The following MAGI1 variants were observed in gnomAD, a reference collection of about 807,000 sequenced individuals.
The protein encoded by MAGI1 is membrane-associated guanylate kinase, WW and PDZ domain-containing protein 1.
Under a neutral mutation model 139.9 loss-of-function variants are expected in MAGI1, and 58 were observed. The observed-to-expected ratio is 0.41, with a 90% CI of 0.34 to 0.52. The LOEUF is 0.52. MAGI1 is among the 20% of genes least tolerant of loss of function. The pLI is 0.12. For synonymous variants in MAGI1, 812 were observed against 737.9 expected, an observed-to-expected ratio of 1.10 and a Z score of -1.63; for missense variants, 1,874 against 1,901.6, an observed-to-expected ratio of 0.99 and a Z score of 0.27.
At chr3:65,823,164 T>G (rs529187795) in intron 1 of MAGI1, among the ~76,000 whole-genome samples, 1 of 152,296 alleles carries the variant, frequency 6.6e-6, no homozygotes, top group South Asian at 2.1e-4. Flanking sequence ...GAAATATATA[T>G]CATATAAAGT....
At chr3:65,467,951 A>C (rs867449922) in intron 5 of MAGI1, among the ~76,000 whole-genome samples, 3 of 152,226 alleles carry the variant, frequency 2.0e-5, no homozygotes, top group Admixed American at 6.5e-5. Context: ...ATGATGATGA[A>C]AATGGTAACA....
chr3:65,582,918 C>T (rs1478365157), intron 2 of MAGI1, among the ~76,000 whole-genome samples: 1 of 152,214 alleles, frequency 6.6e-6, no homozygotes, highest in African/African-American at 2.4e-5. Context: ...TCCATCAGCA[C>T]TGTGCAACAC....
At chr3:65,784,767 G>A (rs1355259454) in intron 1 of MAGI1, among the ~76,000 whole-genome samples, 5 of 152,152 alleles carry the variant, frequency 3.3e-5, no homozygotes, top group Non-Finnish European at 7.3e-5. Context: ...GTCAAACCAC[G>A]GAATAATATT....
intron 1 of MAGI1, among the ~76,000 whole-genome samples, chr3:65,851,523 C>T (rs1469994239): frequency 1.3e-5 from 2 of 152,070 alleles, no homozygotes; most frequent in South Asian, 4.1e-4. Flanking sequence ...CCGAGGTGGG[C>T]GGATCACTTG....
chr3:65,962,723 G>T (rs183720368), intron 1 of MAGI1, among the ~76,000 whole-genome samples: 1 of 151,506 alleles, frequency 6.6e-6, no homozygotes, highest in African/African-American at 2.4e-5. Flanking sequence ...TACTCAGGAG[G>T]TTGAGACACA....
chr3:65,966,481 C>T (rs981560666), intron 1 of MAGI1, among the ~76,000 whole-genome samples: 2 of 151,966 alleles, frequency 1.3e-5, no homozygotes, highest in East Asian at 3.9e-4. Context: ...CTGCATCTTG[C>T]GACTGACAAA....
At chr3:65,597,653 T>C (rs1391773360) in intron 2 of MAGI1, 1 of 454,982 alleles carries the variant, frequency 2.2e-6, no homozygotes, top group Non-Finnish European at 4.4e-6. Context: ...TTCACCTCCA[T>C]GGATATTCCC....
intron 1 of MAGI1, among the ~76,000 whole-genome samples, chr3:65,798,857 C>T (rs960132026): frequency 6.6e-6 from 1 of 152,176 alleles, no homozygotes; most frequent in African/African-American, 2.4e-5. Flanking sequence ...TCCACTGTGT[C>T]CAGCTCAAAG....
chr3:65,631,123 AG>A (rs2084277080), intron 1 of MAGI1, among the ~76,000 whole-genome samples: 1 of 152,214 alleles, frequency 6.6e-6, no homozygotes, highest in Non-Finnish European at 1.5e-5. Context: ...GCCTAGACTA[AG>A]GGAGTGTCTA....
At chr3:66,008,236 A>C (rs866778649) in intron 1 of MAGI1, among the ~76,000 whole-genome samples, 37 of 152,118 alleles carry the variant, frequency 2.4e-4, no homozygotes, top group African/African-American at 8.5e-4. Flanking sequence ...AGTTCATAGG[A>C]CCAGCATCAG....
intron 1 of MAGI1, among the ~76,000 whole-genome samples, chr3:66,007,502 G>A (rs2067088015): frequency 6.6e-6 from 1 of 152,202 alleles, no homozygotes; most frequent in South Asian, 2.1e-4. Flanking sequence ...ACTCTAGTGA[G>A]GAGGAGGAGA....
intron 1 of MAGI1, among the ~76,000 whole-genome samples, chr3:65,683,859 T>C (rs963725121): frequency 6.6e-6 from 1 of 151,870 alleles, no homozygotes; most frequent in South Asian, 2.1e-4. Context: ...AGATGTAAAA[T>C]AGTATAGCCA....
intron 1 of MAGI1, among the ~76,000 whole-genome samples, chr3:65,898,203 T>C (rs1457690376): frequency 6.6e-6 from 1 of 152,220 alleles, no homozygotes; most frequent in Non-Finnish European, 1.5e-5. Flanking sequence ...TATTTCCACC[T>C]GTTTCCTGTA....
At chr3:65,387,155 C>T (rs1376887497) in intron 14 of MAGI1, 1 of 1,613,978 alleles carries the variant, frequency 6.2e-7, no homozygotes, top group Admixed American at 1.7e-5. Context: ...GGACATTCTC[C>T]AAAATTCGTG....
chr3:65,397,104 C>G (rs1206661964), intron 13 of MAGI1, among the ~76,000 whole-genome samples: 1 of 152,216 alleles, frequency 6.6e-6, no homozygotes, highest in Non-Finnish European at 1.5e-5. Context: ...CACCCATCTA[C>G]TACTCTCACT....
intron 2 of MAGI1, among the ~76,000 whole-genome samples, chr3:65,530,670 T>TAC (rs1559642262): frequency 1.4e-5 from 2 of 137,978 alleles, no homozygotes; most frequent in African/African-American, 5.5e-5. Flanking sequence ...TGTATATATA[T>TAC]ATACATATAT....
At chr3:65,716,068 A>T (rs1286220419) in intron 1 of MAGI1, among the ~76,000 whole-genome samples, 2 of 152,354 alleles carry the variant, frequency 1.3e-5, no homozygotes, top group Admixed American at 6.5e-5. Flanking sequence ...TTCCAAAAAA[A>T]TCGTTTACAA....
intron 1 of MAGI1, among the ~76,000 whole-genome samples, chr3:65,725,272 C>A (rs72900244): frequency 6.6e-6 from 1 of 152,250 alleles, no homozygotes; most frequent in African/African-American, 2.4e-5. Flanking sequence ...CTCCTTATAG[C>A]CTTGAAGGGA....
At chr3:66,008,188 T>G (rs1189335097) in intron 1 of MAGI1, among the ~76,000 whole-genome samples, 1 of 152,108 alleles carries the variant, frequency 6.6e-6, no homozygotes. Flanking sequence ...TGAGCCACCA[T>G]GCCCAGCCTG....
Sources: gnomAD v4.1 joint callset for allele counts (sites outside exome capture counted in the v4.1 genomes callset) on GRCh38, gnomAD v4.1.1 for gene constraint, MANE v1.5 for transcripts, NCBI Gene and HGNC (gene_info 2026-07-23, HGNC 2026-07-21) for gene names.